The following CSMD1 variants were observed in gnomAD, a reference collection of about 807,000 sequenced individuals.
CSMD1 encodes CUB and sushi domain-containing protein 1.
A neutral mutation model predicts 417.5 loss-of-function variants in CSMD1; 213 were observed. The observed-to-expected ratio is 0.51, with a 90% confidence interval of 0.46 to 0.57. The LOEUF is 0.57. CSMD1 is among the 20% of genes least tolerant of loss of function. The pLI is 0.00. For missense variants in CSMD1, 6,923 were observed against 4,529.7 expected, an observed-to-expected ratio of 1.53 and a Z score of -15.17; for synonymous variants, 2,862 against 1,736.8, an observed-to-expected ratio of 1.65 and a Z score of -16.11.
At chr8:4,559,951 G>A (rs1238709333) in intron 2 of CSMD1, among the ~76,000 whole-genome samples, 1 of 152,208 alleles carries the variant, frequency 6.6e-6, no homozygotes, top group Non-Finnish European at 1.5e-5. Context: ...AGCCATCCCT[G>A]TAATCACACG....
At chr8:4,666,253 G>A (rs1804919968) in intron 1 of CSMD1, among the ~76,000 whole-genome samples, 1 of 152,180 alleles carries the variant, frequency 6.6e-6, no homozygotes, top group Admixed American at 6.6e-5. Context: ...CAAGGTAACA[G>A]ATGGAATCAC....
intron 3 of CSMD1, among the ~76,000 whole-genome samples, chr8:4,183,682 G>A (rs904153888): frequency 6.6e-6 from 1 of 152,136 alleles, no homozygotes; most frequent in African/African-American, 2.4e-5. Flanking sequence ...TAATTTTGTT[G>A]TGAGCAGAGA....
chr8:3,771,890 T>G (rs1320681769), intron 5 of CSMD1, among the ~76,000 whole-genome samples: 1 of 152,052 alleles, frequency 6.6e-6, no homozygotes, highest in Non-Finnish European at 1.5e-5. Context: ...AGTCCTGATC[T>G]GACCCAGATA....
chr8:3,458,373 A>G (rs1329613835), intron 12 of CSMD1, among the ~76,000 whole-genome samples: 3 of 152,194 alleles, frequency 2.0e-5, no homozygotes, highest in Non-Finnish European at 4.4e-5. Context: ...TAATTCATTC[A>G]TGCAATATAA....
At chr8:3,167,385 C>T (rs2129042392) in intron 37 of CSMD1, among the ~76,000 whole-genome samples, 1 of 151,310 alleles carries the variant, frequency 6.6e-6, no homozygotes, top group Non-Finnish European at 1.5e-5. Flanking sequence ...CAACCTAATA[C>T]ATGACTCTGA....
chr8:3,728,223 A>G (rs1370793112), intron 6 of CSMD1, among the ~76,000 whole-genome samples: 1 of 152,106 alleles, frequency 6.6e-6, no homozygotes, highest in Non-Finnish European at 1.5e-5. Flanking sequence ...TGATGGTTTT[A>G]CAAAGGGAAA....
intron 5 of CSMD1, among the ~76,000 whole-genome samples, chr8:3,880,052 AT>A (rs1334753381): frequency 7.1e-6 from 1 of 140,458 alleles, no homozygotes; most frequent in East Asian, 2.0e-4. Context: ...ATTATAAAAG[AT>A]TTTCTTTTTT....
chr8:3,144,916 C>T (rs560751070), intron 40 of CSMD1, among the ~76,000 whole-genome samples: 4 of 152,134 alleles, frequency 2.6e-5, no homozygotes, highest in African/African-American at 7.2e-5. Flanking sequence ...CTGGACTGCC[C>T]AGCCAGTGGC....
chr8:4,669,509 C>T (rs903905468), intron 1 of CSMD1, among the ~76,000 whole-genome samples: 3 of 152,140 alleles, frequency 2.0e-5, no homozygotes, highest in African/African-American at 4.8e-5. Flanking sequence ...TTTCTGCCTA[C>T]CCACTTCTTC....
chr8:4,116,858 C>T (rs1188629829), intron 3 of CSMD1, among the ~76,000 whole-genome samples: 1 of 151,894 alleles, frequency 6.6e-6, no homozygotes, highest in Non-Finnish European at 1.5e-5. Flanking sequence ...CTGGCATTTA[C>T]TGTACAATGT....
intron 17 of CSMD1, among the ~76,000 whole-genome samples, chr8:3,391,087 T>C (rs912799648): frequency 6.6e-6 from 1 of 152,216 alleles, no homozygotes; most frequent in Non-Finnish European, 1.5e-5. Context: ...GCATGTTATA[T>C]ATACCTTTGC....
chr8:4,442,831 T>A (rs1798562000), intron 2 of CSMD1, among the ~76,000 whole-genome samples: 1 of 152,322 alleles, frequency 6.6e-6, no homozygotes, highest in East Asian at 1.9e-4. Context: ...ATATGTAAGT[T>A]GCCTTTATTT....
intron 12 of CSMD1, among the ~76,000 whole-genome samples, chr8:3,437,578 T>C (rs1463767481): frequency 6.6e-6 from 1 of 152,174 alleles, no homozygotes; most frequent in East Asian, 1.9e-4. Flanking sequence ...CAGGAGCCCA[T>C]CCTCAATGAA....
intron 3 of CSMD1, among the ~76,000 whole-genome samples, chr8:4,365,207 T>C (rs561288172): frequency 6.6e-6 from 1 of 152,316 alleles, no homozygotes; most frequent in African/African-American, 2.4e-5. Flanking sequence ...ACCTTGTCTA[T>C]ATATAAAAAA....
At chr8:3,942,284 C>T (rs552145700) in intron 5 of CSMD1, among the ~76,000 whole-genome samples, 124 of 152,196 alleles carry the variant, frequency 8.1e-4, no homozygotes, top group African/African-American at 2.9e-3. Flanking sequence ...GCGCTTGAAT[C>T]ATCCTGAAAC....
At chr8:4,633,714 G>A (rs144077701) in intron 2 of CSMD1, among the ~76,000 whole-genome samples, 1,527 of 152,138 alleles carry the variant, frequency 0.01, 19 homozygotes, top group Middle Eastern at 0.045. Flanking sequence ...CTGCCACCAT[G>A]TCCAGCTAAT....
intron 1 of CSMD1, among the ~76,000 whole-genome samples, chr8:4,863,032 C>T (rs1477261713): frequency 6.6e-6 from 1 of 151,994 alleles, no homozygotes; most frequent in Non-Finnish European, 1.5e-5. Flanking sequence ...TGACAGCGAC[C>T]CTTGGGCTTG....
chr8:3,352,370 G>T (rs1337262664), intron 21 of CSMD1, among the ~76,000 whole-genome samples: 1 of 152,166 alleles, frequency 6.6e-6, no homozygotes, highest in Non-Finnish European at 1.5e-5. Context: ...ATGTTGTGAA[G>T]ATTGACTTGT....
chr8:3,105,421 A>C (rs979287911), intron 46 of CSMD1, among the ~76,000 whole-genome samples: 2 of 152,216 alleles, frequency 1.3e-5, no homozygotes, highest in African/African-American at 4.8e-5. Context: ...TCTAATTAGG[A>C]AAGCTTTTGG....
Sources: allele counts gnomAD v4.1 joint callset (sites outside exome capture counted in the v4.1 genomes callset), GRCh38; gene constraint gnomAD v4.1.1; transcripts MANE v1.5; gene names NCBI Gene and HGNC (gene_info 2026-07-23, HGNC 2026-07-21).